The following CHRNA5 variants were observed in gnomAD, a reference collection of about 807,000 sequenced individuals.
CHRNA5 encodes cholinergic receptor nicotinic alpha 5 subunit.
Under a neutral mutation model 41.2 loss-of-function variants are expected in CHRNA5, and 28 were observed. The ratio of observed to expected loss-of-function variants is 0.68; its 90% confidence interval spans 0.50 to 0.93. The LOEUF (loss-of-function observed/expected upper bound fraction) is 0.93. CHRNA5 is among the 40% of genes least tolerant of loss of function. The probability of loss-of-function intolerance (pLI) is 0.00; values close to 1 mark genes in which losing one functional copy is unlikely to be tolerated. For missense variants in CHRNA5, 481 were observed against 581.9 expected, an observed-to-expected ratio of 0.83 and a Z score of 1.78; for synonymous variants, 188 against 205.8, an observed-to-expected ratio of 0.91 and a Z score of 0.74.
exon 6 of CHRNA5, chr15:78,593,366 C>CT: frequency 9.5e-7 from 1 of 1,053,760 alleles, no homozygotes; most frequent in Non-Finnish European, 1.3e-6. Flanking sequence ...CTTTAACAGA[C>CT]TAAGTTGCTA....
At chr15:78,572,725 C>G (rs551038820) in intron 1 of CHRNA5, among the ~76,000 whole-genome samples, 12 of 151,984 alleles carry the variant, frequency 7.9e-5, no homozygotes, top group Admixed American at 3.3e-4. Context: ...TCAAGTGATC[C>G]CCCACCTCAG....
intron 5 of CHRNA5, among the ~76,000 whole-genome samples, chr15:78,592,061 C>T (rs183591759): frequency 3.9e-5 from 6 of 152,148 alleles, no homozygotes; most frequent in African/African-American, 9.7e-5. Context: ...CGGTGGCTCA[C>T]GCCTGTAATC....
intron 1 of CHRNA5, among the ~76,000 whole-genome samples, chr15:78,570,499 G>C (rs910820462): frequency 4.3e-5 from 6 of 138,008 alleles, no homozygotes; most frequent in Non-Finnish European, 6.0e-5. Flanking sequence ...TGAACTCCTG[G>C]CCTCGAATGA....
intron 1 of CHRNA5, among the ~76,000 whole-genome samples, chr15:78,580,096 A>G (rs754419421): frequency 7.2e-5 from 11 of 151,904 alleles, no homozygotes; most frequent in Non-Finnish European, 1.5e-4. Flanking sequence ...TCTGGCCAAC[A>G]TGGTGGAACC....
intron 1 of CHRNA5, 28 bp downstream of exon 1, chr15:78,565,853 C>T (rs1684224034): frequency 3.4e-6 from 4 of 1,187,996 alleles, no homozygotes; most frequent in Admixed American, 4.3e-5. Context: ...AGGGGCGGGG[C>T]GGGAGCTGGC....
exon 5 of CHRNA5, chr15:78,590,087 C>T (rs1402933841): frequency 3.7e-6 from 6 of 1,614,100 alleles, no homozygotes; most frequent in African/African-American, 1.3e-5. Context: ...ACAGAACCGA[C>T]AGCTGTTGCT....
At chr15:78,576,034 G>T (rs1266175944) in intron 1 of CHRNA5, among the ~76,000 whole-genome samples, 5 of 152,160 alleles carry the variant, frequency 3.3e-5, no homozygotes, top group South Asian at 2.1e-4. Flanking sequence ...ATAGATTTTA[G>T]ATACAAGTCC....
chr15:78,584,721 A>G (rs1430170971), intron 2 of CHRNA5, among the ~76,000 whole-genome samples: 2 of 152,234 alleles, frequency 1.3e-5, no homozygotes, highest in Admixed American at 6.5e-5. Flanking sequence ...GCTATATACT[A>G]TCATCATGGG....
Position 78,565,549 on chromosome 15 carries a change from T to C in CHRNA5, c.-171T>C, listed in dbSNP as rs1567047549. ...GCGTCCCGAGCCCGCCAGAAGCTGC[T>C]AGGCTGAGGCTGCTGTCCCGGCGGG... On this transcript the variant is annotated 5_prime_UTR_variant, in exon 1 of 6. It removes the in-frame stop codon of an upstream open reading frame in the 5' UTR. Coordinates refer to ENST00000299565, the Ensembl canonical transcript of CHRNA5. The C allele has an allele frequency of 1.9e-5, 4 of 213,900 alleles. No homozygotes were observed. The allele number at this position is 213,900 out of a possible 1,614,324, so 13.3% of individuals were successfully genotyped here.
At chr15:78,593,209 G>C in exon 6 of CHRNA5, 1 of 1,613,268 alleles carries the variant, frequency 6.2e-7, no homozygotes, top group Non-Finnish European at 8.5e-7. Flanking sequence ...TTATAAATGG[G>C]CAAATATATT....
intron 2 of CHRNA5, among the ~76,000 whole-genome samples, chr15:78,583,657 T>C (rs1296936809): frequency 1.3e-5 from 2 of 149,432 alleles, no homozygotes; most frequent in Non-Finnish European, 3.0e-5. Flanking sequence ...ATTGCGCCAC[T>C]GCACTCCAGC....
At chr15:78,573,250 A>G (rs2052823102) in intron 1 of CHRNA5, among the ~76,000 whole-genome samples, 1 of 152,194 alleles carries the variant, frequency 6.6e-6, no homozygotes, top group African/African-American at 2.4e-5. Flanking sequence ...TCCAGCCCAA[A>G]ATGTCCGTAG....
Position 78,586,703 on chromosome 15 carries a change from A to T in CHRNA5, c.303+14A>T. On this transcript the variant is annotated intron_variant, in intron 3 of 5. Transcript: ENST00000299565. ...TGGTTGAAACAGGTATGTGTGTAAA[A>T]TTCAAACGGGCACCCAATTAGTGAC... 6.3e-7 allele frequency: 1 copy of T among 1,595,592 alleles called. No homozygotes were observed. Among genetic ancestry groups the T allele is most frequent in the South Asian group, 1.1e-5 (1 of 87,538 alleles).
At chr15:78,590,325 C>T (rs1233585088) in exon 5 of CHRNA5, 3 of 1,614,006 alleles carry the variant, frequency 1.9e-6, no homozygotes, top group Non-Finnish European at 1.7e-6. Flanking sequence ...AGTCATACCT[C>T]TAATTGGAGA....
intron 1 of CHRNA5, among the ~76,000 whole-genome samples, chr15:78,573,792 A>AT (rs775402423): frequency 0.04 from 5,634 of 139,772 alleles, 349 homozygotes; most frequent in African/African-American, 0.13. Flanking sequence ...TGTTCCTAGA[A>AT]TTTTTTTTTT....
At chr15:78,580,631 A>ACTTTTTTTTTC (rs1596060235) in intron 1 of CHRNA5, among the ~76,000 whole-genome samples, 180 bp from the exon 2 acceptor site, 2 of 151,178 alleles carry the variant, frequency 1.3e-5, no homozygotes, top group East Asian at 4.0e-4. Context: ...AATAATCTGA[A>ACTTTTTTTTTC]CTTTTTTTTT....
chr15:78,580,279 C>CAAAA (rs71148541), intron 1 of CHRNA5, among the ~76,000 whole-genome samples: 7,649 of 61,850 alleles, frequency 0.12, 934 homozygotes, highest in South Asian at 0.28. Flanking sequence ...GACTCCGTCT[C>CAAAA]AAAAAAAAAA....
chr15:78,572,854 C>T (rs2052819040), intron 1 of CHRNA5, among the ~76,000 whole-genome samples: 1 of 151,914 alleles, frequency 6.6e-6, no homozygotes, highest in Non-Finnish European at 1.5e-5. Flanking sequence ...AGTGAACATG[C>T]ATGTAATTTA....
At chr15:78,574,572 A>T (rs1032596485) in intron 1 of CHRNA5, among the ~76,000 whole-genome samples, 1 of 152,158 alleles carries the variant, frequency 6.6e-6, no homozygotes, top group Non-Finnish European at 1.5e-5. Context: ...ATGTTTTTTA[A>T]TGGAAAAATA....
Sources: gnomAD v4.1 joint callset for allele counts (sites outside exome capture counted in the v4.1 genomes callset) on GRCh38, gnomAD v4.1.1 for gene constraint, MANE v1.5 for transcripts, NCBI Gene and HGNC (gene_info 2026-07-23, HGNC 2026-07-21) for gene names.